Variants in SNTG2 observed in about 807,000 individuals in gnomAD.
SNTG2 encodes the protein syntrophin gamma 2.
Under a neutral mutation model 70.9 loss-of-function variants are expected in SNTG2, and 74 were observed. The observed-to-expected ratio is 1.04, with a 90% CI of 0.86 to 1.27. The LOEUF is 1.27. SNTG2 is among the 50% of genes most tolerant of loss of function. The pLI is 0.00. For missense variants in SNTG2, 717 were observed against 690.7 expected (o/e 1.04, Z -0.43); for synonymous variants, 278 against 273.8 (o/e 1.02, Z -0.15).
At chr2:1,257,479 C>T (rs557207413) in intron 12 of SNTG2, among the ~76,000 whole-genome samples, 14 of 152,174 alleles carry the variant, frequency 9.2e-5, no homozygotes, top group Admixed American at 4.6e-4. Flanking sequence ...GCCACAGGGA[C>T]GAACAGAAAG....
At chr2:1,007,062 T>C (rs1186464763) in intron 1 of SNTG2, among the ~76,000 whole-genome samples, 1 of 150,786 alleles carries the variant, frequency 6.6e-6, no homozygotes, top group Non-Finnish European at 1.5e-5. Flanking sequence ...TAAATAAATG[T>C]GTATATATAT....
At chr2:1,000,170 C>T (rs1452099571) in intron 1 of SNTG2, among the ~76,000 whole-genome samples, 1 of 151,534 alleles carries the variant, frequency 6.6e-6, no homozygotes, top group Admixed American at 6.6e-5. Context: ...TAAATTTCTG[C>T]ATGAAAAAAT....
At chr2:1,150,997 A>T (rs1455456333) in intron 6 of SNTG2, among the ~76,000 whole-genome samples, 1 of 151,956 alleles carries the variant, frequency 6.6e-6, no homozygotes, top group Non-Finnish European at 1.5e-5. Context: ...AGTGACTGAC[A>T]CTCTCTGGGT....
At chr2:1,061,090 CAA>C (rs112755940) in intron 1 of SNTG2, among the ~76,000 whole-genome samples, 2 of 150,514 alleles carry the variant, frequency 1.3e-5, no homozygotes, top group Admixed American at 1.3e-4. Flanking sequence ...CCCATGTTTC[CAA>C]AAAAAAAGAG....
chr2:1,249,598 G>C (rs778524259), intron 12 of SNTG2, among the ~76,000 whole-genome samples: 2 of 152,132 alleles, frequency 1.3e-5, no homozygotes, highest in Non-Finnish European at 2.9e-5. Flanking sequence ...CTCATAATTT[G>C]TTTGAAACTG....
At chr2:1,079,991 G>C (rs1346304865) in intron 1 of SNTG2, among the ~76,000 whole-genome samples, 1 of 152,206 alleles carries the variant, frequency 6.6e-6, no homozygotes, top group Non-Finnish European at 1.5e-5. Flanking sequence ...TGCTCACCAC[G>C]CATCTGCCAC....
At chr2:1,363,263 G>C (rs11211670) in intron 16 of SNTG2, among the ~76,000 whole-genome samples, 40,744 of 152,056 alleles carry the variant, frequency 0.27, 5,824 homozygotes, top group East Asian at 0.54. Context: ...GAGGACACAA[G>C]CTCCCCTTGC....
In SNTG2 at chr2:1,087,898, TGTAGGA is replaced by T. The variant is rs766204065; in HGVS notation, c.210+4246_210+4251del. 9.5e-4 allele frequency among the ~76,000 whole-genome samples: 144 copies of T among 152,354 alleles called. 1 individual carries two copies. The highest frequency in any genetic ancestry group is 1.1e-3 in the Non-Finnish European group (78 of 68,038). On this transcript the variant is annotated intron_variant, in intron 2 of 16. Transcript: ENST00000308624. ...GAATGGATCATCACACTTGCAAGCG[TGTAGGA>T]GTTTATGATAAATTCTATACACAAT...
At chr2:1,326,498 C>T (rs1681765623) in intron 16 of SNTG2, among the ~76,000 whole-genome samples, 1 of 152,122 alleles carries the variant, frequency 6.6e-6, no homozygotes, top group African/African-American at 2.4e-5. Context: ...CAAAAGATTT[C>T]AACAGCAAAA....
At chr2:1,210,675 T>G (rs1673981900) in intron 9 of SNTG2, 1 of 152,246 alleles carries the variant, frequency 6.6e-6, no homozygotes, top group Non-Finnish European at 1.5e-5. Flanking sequence ...AAGGCTCTAT[T>G]CATGGTGAGT....
intron 11 of SNTG2, among the ~76,000 whole-genome samples, chr2:1,240,443 T>G (rs1385170880): frequency 6.6e-6 from 1 of 152,260 alleles, no homozygotes; most frequent in Non-Finnish European, 1.5e-5. Context: ...GTTATTCTTC[T>G]GTTTCCTTTA....
chr2:1,196,767 A>G (rs945938899), intron 8 of SNTG2, among the ~76,000 whole-genome samples: 36 of 152,148 alleles, frequency 2.4e-4, no homozygotes, highest in African/African-American at 8.7e-4. Flanking sequence ...AGCCAAGAAT[A>G]CTGTACCTAG....
rs550702256 is a variant in SNTG2, at chr2:1,161,840, C to T, written c.412-3708C>T. 1.9e-3 allele frequency among the ~76,000 whole-genome samples: 286 copies of T among 152,010 alleles called. 1 individual carries two copies. The highest frequency in any genetic ancestry group is 5.2e-3 in the South Asian group (25 of 4,816). ...CTGTAATCCCAGCAGTTTGGGAGGC[C>T]GAGGCGGGCGGATCACGAGGTCAGG... On this transcript the variant is annotated intron_variant, in intron 6 of 16. Coordinates refer to ENST00000308624, the MANE Select transcript of SNTG2 (RefSeq NM_018968.4).
intron 9 of SNTG2, among the ~76,000 whole-genome samples, chr2:1,223,755 C>T (rs1675538267): frequency 6.6e-6 from 1 of 152,092 alleles, no homozygotes; most frequent in Non-Finnish European, 1.5e-5. Context: ...TCAGGGTGTA[C>T]ATGACCTCAG....
Position 1,273,062 on chromosome 2 carries a change from C to T in SNTG2, c.1284+5491C>T, listed in dbSNP as rs182762902. ...TCCTGTTAGAGGAGCCGGTCACGCA[C>T]GGTGCTCCGTGGATTTTCCACTGCC... On this transcript the variant is annotated intron_variant, in intron 14 of 16. Coordinates refer to ENST00000308624, the MANE Select transcript of SNTG2 (RefSeq NM_018968.4). Among the ~76,000 whole-genome samples the T allele has an allele frequency of 5.3e-5, 8 of 152,322 alleles. No individual in the cohort carries two copies. The East Asian group carries it at 5.8e-4, about 11-fold the overall frequency.
At chr2:992,404 T>C (rs537742679) in intron 1 of SNTG2, among the ~76,000 whole-genome samples, 3 of 152,332 alleles carry the variant, frequency 2.0e-5, no homozygotes, top group African/African-American at 4.8e-5. Context: ...TACAAAACTT[T>C]CTTGATACAG....
intron 2 of SNTG2, among the ~76,000 whole-genome samples, chr2:1,086,542 A>G (rs1046617457): frequency 3.3e-5 from 5 of 152,184 alleles, no homozygotes; most frequent in Non-Finnish European, 7.3e-5. Context: ...AATGAAGTTT[A>G]ATGTTTCAGA....
chr2:1,038,215 C>G (rs1367202171), intron 1 of SNTG2, among the ~76,000 whole-genome samples: 1 of 152,162 alleles, frequency 6.6e-6, no homozygotes, highest in East Asian at 1.9e-4. Flanking sequence ...ACTTGGTTTT[C>G]TTTTAAAGCT....
intron 6 of SNTG2, among the ~76,000 whole-genome samples, chr2:1,153,520 A>T (rs544743946): frequency 1.1e-4 from 16 of 152,256 alleles, no homozygotes; most frequent in Non-Finnish European, 2.2e-4. Context: ...ATGTCTAAAA[A>T]GTGCGTACAC....
Sources: allele counts gnomAD v4.1 joint callset (sites outside exome capture counted in the v4.1 genomes callset), GRCh38; gene constraint gnomAD v4.1.1; transcripts MANE v1.5; gene names NCBI Gene and HGNC (gene_info 2026-07-23, HGNC 2026-07-21).